Variants in RAPGEFL1 observed in about 807,000 individuals in gnomAD.
The protein encoded by RAPGEFL1 is Rap guanine nucleotide exchange factor like 1.
Under a neutral mutation model 64.4 loss-of-function variants are expected in RAPGEFL1, and 31 were observed. The ratio of observed to expected loss-of-function variants is 0.48; its 90% confidence interval spans 0.36 to 0.65. The LOEUF (loss-of-function observed/expected upper bound fraction) is 0.65, where lower values mean the gene tolerates loss of function less well. Ranked by LOEUF, RAPGEFL1 falls within the 30% of genes least tolerant of loss-of-function variation. The probability of loss-of-function intolerance (pLI) is 0.00; values close to 1 mark genes in which losing one functional copy is unlikely to be tolerated. For missense variants in RAPGEFL1, 682 were observed against 677.4 expected (o/e 1.01, Z -0.08); for synonymous variants, 331 against 274.1 (o/e 1.21, Z -2.05).
At position 40,191,282 on chromosome 17, in the gene RAPGEFL1, C is replaced by T. The variant is rs752126715; in HGVS notation, c.1336-34C>T. 7 of 1,519,096 alleles carry T rather than the reference C, an allele frequency of 4.6e-6. No homozygotes were observed. The highest frequency in any genetic ancestry group is 6.1e-6 in the Non-Finnish European group (7 of 1,141,960). The allele number at this position is 1,519,096 out of a possible 1,614,324, so 94.1% of individuals were successfully genotyped here. On this transcript the variant is annotated intron_variant, in intron 8 of 14. Transcript: ENST00000620260. This position sits in a 1 kb window ranked among gnomAD's most constrained non-coding sequence, Gnocchi z 5.1. ...CCCACCCACTCCCCTCACCCCCTGG[C>T]GCCCTGGCCGCCCCTCCGCTGCCGT...
chr17:40,184,182 T>G, intron 2 of RAPGEFL1, 32 bp from the exon 3 acceptor site: 1 of 1,477,684 alleles, frequency 6.8e-7, no homozygotes, highest in Non-Finnish European at 9.5e-7. Context: ...CAGGTCTGCT[T>G]GCGTAGGGAT....
intron 14 of RAPGEFL1, 47 bp from the exon 15 acceptor site, chr17:40,193,617 A>C (rs773427708): frequency 6.2e-7 from 1 of 1,613,796 alleles, no homozygotes; most frequent in Non-Finnish European, 8.5e-7. Context: ...GTGTAGAGGA[A>C]GAAGGGAAGC....
At chr17:40,177,415 T>C (rs1989740648), upstream of RAPGEFL1, 1 of 688,140 alleles carries the variant, frequency 1.5e-6, no homozygotes, top group Non-Finnish European at 2.7e-6. Context: ...CGAGGAAGGG[T>C]AGGGGCGGGG....
In RAPGEFL1 at chr17:40,191,275, C is replaced by T; in HGVS notation, c.1336-41C>T. The T allele has an allele frequency of 6.6e-7, 1 of 1,511,576 alleles. No homozygotes were observed. 93.6% of individuals were successfully genotyped at this position (1,511,576 alleles called of 1,614,324 possible). A position where few individuals can be genotyped will look rare whatever the true frequency, so the allele number is the denominator to read the frequency against. On this transcript the variant is annotated intron_variant, in intron 8 of 14. Transcript: ENST00000620260. This position sits in a 1 kb window ranked among gnomAD's most constrained non-coding sequence, Gnocchi z 5.1. ...CCATCTTCCCACCCACTCCCCTCACCCCCTGGCGCCCTGGCCGCCCCTCCG... is the reference window on the plus strand; with the variant it reads ...CCATCTTCCCACCCACTCCCCTCACTCCCTGGCGCCCTGGCCGCCCCTCCG...
intron 4 of RAPGEFL1, among the ~76,000 whole-genome samples, chr17:40,186,859 AC>A (rs1887440007): frequency 6.6e-6 from 1 of 150,466 alleles, no homozygotes; most frequent in Non-Finnish European, 1.5e-5. Flanking sequence ...GCAGCACTGC[AC>A]GCCAGCCTGA....
At position 40,193,934 on chromosome 17, in the gene RAPGEFL1, C is replaced by A; in HGVS notation, c.*146C>A. On this transcript the variant is annotated 3_prime_UTR_variant, in exon 15 of 15. Transcript: ENST00000620260. ...AGAGGTCGATGGATTTACCCCTGGA[C>A]CCATAAGTCTGTTCATCCTGCTGAA... is the stretch of plus-strand genomic sequence containing the variant. The A allele has an allele frequency of 9.0e-7, 1 of 1,113,272 alleles. No individual in the cohort carries two copies. The highest frequency in any genetic ancestry group is 1.3e-6 in the Non-Finnish European group (1 of 795,512). 69.0% of individuals were successfully genotyped at this position (1,113,272 alleles called of 1,614,324 possible).
chr17:40,190,658 A>T lies in RAPGEFL1; in HGVS notation c.1231A>T (p.Ile411Phe). The change falls in exon 8 of 15, where the codon ATC becomes TTC. Residue 411 changes from isoleucine to phenylalanine, a missense_variant. By Grantham distance (21) the Ile-to-Phe change is conservative (BLOSUM62 0). Transcript: ENST00000620260. The stretch of plus-strand genomic sequence containing the variant: ...CCACCAGGTGCCCCTCCCCGAGGAG[A>T]TCCAGGTCTCCCCTGGAGACACAGA... ...YEALVPLPEE[I>F]QVSPGDTEIH... is the part of the protein sequence containing the mutation. 6.2e-7 allele frequency: 1 copy of T among 1,614,034 alleles called. No individual in the cohort carries two copies. The highest frequency in any genetic ancestry group is 8.5e-7 in the Non-Finnish European group (1 of 1,179,952).
At chr17:40,188,401 T>C (rs1990150911) in intron 4 of RAPGEFL1, 1 of 173,748 alleles carries the variant, frequency 5.8e-6, no homozygotes, top group Non-Finnish European at 1.2e-5. Flanking sequence ...TATGCCTGTC[T>C]ATCTCCTTCC....
intron 14 of RAPGEFL1, 117 bp downstream of exon 14, chr17:40,193,534 C>T: frequency 6.3e-7 from 1 of 1,574,902 alleles, no homozygotes; most frequent in Non-Finnish European, 8.7e-7. Flanking sequence ...TCCCCATTCT[C>T]TCCTTGCCTC....
At position 40,190,775 on chromosome 17, in the gene RAPGEFL1, G is replaced by T. The variant is rs1249361779; in HGVS notation, c.1335+13G>T. ...ATGTGTGCATGAGGTGGGGACCGAG[G>T]CTGGTGCTATGCTGGGGGGCTGGAG... On this transcript the variant is annotated intron_variant, in intron 8 of 14. Coordinates refer to ENST00000620260, the MANE Select transcript of RAPGEFL1 (RefSeq NM_016339.6). 2.5e-6 allele frequency: 4 copies of T among 1,613,866 alleles called. No individual in the cohort carries two copies. Among genetic ancestry groups the T allele is most frequent in the Non-Finnish European group, 8.5e-7 (1 of 1,179,950 alleles).
In RAPGEFL1 at chr17:40,192,634, G is replaced by A. The variant is rs778186233; in HGVS notation, c.1685G>A (p.Arg562Gln). ...CCCTGCAGGAACCACAAAAGCTACCGAGAAGTGATCTCCAAAATGAAGCCC... is the reference window on the plus strand; with the variant it reads ...CCCTGCAGGAACCACAAAAGCTACCAAGAAGTGATCTCCAAAATGAAGCCC... ...TDPCRNHKSY[R>Q]EVISKMKPPV... Residue 562 changes from arginine (R) to glutamine (Q), a missense_variant, in exon 12 of 15, where the codon CGA becomes CAA. By Grantham distance (43) the Arg-to-Gln change is conservative. Around this residue, in one of 2 missense-constraint regions of RAPGEFL1, gnomAD observed 411 missense variants for 519.4 expected, o/e 0.79. Coordinates refer to ENST00000620260, the MANE Select transcript of RAPGEFL1 (RefSeq NM_016339.6). 3.1e-6 allele frequency: 5 copies of A among 1,613,952 alleles called. No homozygotes were observed. The highest frequency in any genetic ancestry group is 1.1e-5 in the South Asian group (1 of 91,060).
At chr17:40,192,158 T>C in intron 10 of RAPGEFL1, 55 bp from the exon 11 acceptor site, 4 of 1,524,528 alleles carry the variant, frequency 2.6e-6, no homozygotes, top group Non-Finnish European at 3.6e-6. Flanking sequence ...GAGGCTCCCA[T>C]GTAACCCAAG....
At position 40,178,329 on chromosome 17, in the gene RAPGEFL1, C is replaced by T. The variant is rs1358965807; in HGVS notation, c.468C>T (p.Asn156=). 2 of 589,160 alleles carry T rather than the reference C, an allele frequency of 3.4e-6. No homozygotes were observed. The highest frequency in any genetic ancestry group is 6.1e-6 in the Non-Finnish European group (2 of 326,914). 36.5% of individuals were successfully genotyped at this position (589,160 alleles called of 1,614,324 possible). A position where few individuals can be genotyped will look rare whatever the true frequency, so the allele number is the denominator to read the frequency against. Residue 156 remains asparagine, a synonymous_variant, in exon 1 of 15, where the codon AAC becomes AAT. Coordinates refer to ENST00000620260, the MANE Select transcript of RAPGEFL1 (RefSeq NM_016339.6). ...GAPERPEHLL[N]RVLERLAGGA... is the part of the protein sequence containing the mutation. Reference sequence around the variant, plus strand: ...CCGAGCGGCCCGAGCATCTTCTGAACCGGGTTCTGGAGCGGCTTGCTGGAG... The same window carrying T: ...CCGAGCGGCCCGAGCATCTTCTGAATCGGGTTCTGGAGCGGCTTGCTGGAG...
At chr17:40,184,035 C>G (rs8067519) in intron 2 of RAPGEFL1, among the ~76,000 whole-genome samples, 179 bp from the exon 3 acceptor site, 12,416 of 151,406 alleles carry the variant, frequency 0.082, 1,215 homozygotes, top group African/African-American at 0.23. Context: ...GTAGAGTCTT[C>G]GTTTCACCAT....
upstream of RAPGEFL1, chr17:40,177,432 C>A: frequency 2.3e-6 from 1 of 440,310 alleles, no homozygotes; most frequent in South Asian, 1.7e-5. Flanking sequence ...GGGGACTGGG[C>A]GGGGACTGGA....
chr17:40,181,744 C>T (rs1468585204), intron 2 of RAPGEFL1, 50 bp downstream of exon 2: 1 of 698,490 alleles, frequency 1.4e-6, no homozygotes, highest in East Asian at 2.7e-5. Flanking sequence ...GGAGCCACTC[C>T]CTCCGTCCCA....
In RAPGEFL1 at chr17:40,191,343, G is replaced by T; in HGVS notation, c.1363G>T (p.Gly455Trp). The T allele has an allele frequency of 6.3e-7, 1 of 1,589,834 alleles. No homozygotes were observed. The highest frequency in any genetic ancestry group is 8.5e-7 in the Non-Finnish European group (1 of 1,175,604). ...GGAGTTCGTGGACTACGTGTTCCAC[G>T]GGGAGCGCGGCCGCCGGGAGACGGC... ...ELEFVDYVFH[G>W]ERGRRETANL... Residue 455 changes from glycine (G) to tryptophan (W), a missense_variant, in exon 9 of 15, where the codon GGG becomes TGG. By Grantham distance (184) the Gly-to-Trp change is radical. Around this residue, in one of 2 missense-constraint regions of RAPGEFL1, gnomAD observed 411 missense variants for 519.4 expected, o/e 0.79. Transcript: ENST00000620260. This position sits in a 1 kb window ranked among gnomAD's most constrained non-coding sequence, Gnocchi z 5.1.
At chr17:40,186,888 G>A (rs1243905147) in intron 4 of RAPGEFL1, among the ~76,000 whole-genome samples, 1 of 136,822 alleles carries the variant, frequency 7.3e-6, no homozygotes, top group African/African-American at 2.8e-5. Context: ...GCAAGACTCT[G>A]TCTCAAAAAA....
chr17:40,177,071 AG>A, upstream of RAPGEFL1: 1 of 702,362 alleles, frequency 1.4e-6, no homozygotes, highest in South Asian at 1.5e-5. Context: ...AATTCACCCA[AG>A]AGGCCTTCCC....
Sources: allele counts gnomAD v4.1 joint callset (sites outside exome capture counted in the v4.1 genomes callset), GRCh38; gene constraint gnomAD v4.1.1; regional missense constraint gnomAD v4.1.1; non-coding constraint Gnocchi (gnomAD v3.1); transcripts MANE v1.5; gene names NCBI Gene and HGNC (gene_info 2026-07-23, HGNC 2026-07-21).